The following COLGALT2 variants were observed in gnomAD, a reference collection of about 807,000 sequenced individuals.
COLGALT2 encodes the protein collagen beta(1-O)galactosyltransferase 2, also known as procollagen galactosyltransferase 2.
A neutral mutation model predicts 73.4 loss-of-function variants in COLGALT2; 49 were observed. The ratio of observed to expected loss-of-function variants is 0.67; its 90% CI spans 0.53 to 0.85. The LOEUF is 0.85. COLGALT2 is among the 40% of genes least tolerant of loss of function. COLGALT2 has a pLI of 0.00. For synonymous variants in COLGALT2, 295 were observed against 307.6 expected (o/e 0.96, Z 0.43); for missense variants, 722 against 790.2 (o/e 0.91, Z 1.03).
At chr1:183,930,438 G>A in intron 11 of COLGALT2, 1 of 374,066 alleles carries the variant, frequency 2.7e-6, no homozygotes, top group East Asian at 7.5e-5. Context: ...CTGTCACCCA[G>A]GCTGGAGTGG....
intron 1 of COLGALT2, among the ~76,000 whole-genome samples, chr1:184,018,395 T>C (rs995624506): frequency 1.3e-5 from 2 of 152,186 alleles, no homozygotes; most frequent in African/African-American, 4.8e-5. Flanking sequence ...TATAGTATTT[T>C]AGGAGGAAGA....
intron 1 of COLGALT2, among the ~76,000 whole-genome samples, chr1:183,995,371 T>G (rs1349000353): frequency 1.3e-5 from 2 of 152,254 alleles, no homozygotes; most frequent in Admixed American, 1.3e-4. Flanking sequence ...TAGTCATGTC[T>G]GAACATAGAT....
downstream of COLGALT2, among the ~76,000 whole-genome samples, chr1:183,933,258 C>T (rs1057038678): frequency 3.3e-5 from 5 of 152,184 alleles, no homozygotes; most frequent in Admixed American, 6.5e-5. Flanking sequence ...GCATTAGTCT[C>T]TTCTCCCCAC....
intron 5 of COLGALT2, among the ~76,000 whole-genome samples, chr1:183,968,009 G>A (rs1025746844): frequency 2.0e-5 from 3 of 152,174 alleles, no homozygotes; most frequent in Non-Finnish European, 2.9e-5. Context: ...ATCTACAACT[G>A]ATGAGTGGGA....
intron 8 of COLGALT2, chr1:183,946,316 A>C (rs1257278157): frequency 6.6e-6 from 1 of 152,216 alleles, no homozygotes; most frequent in Non-Finnish European, 1.5e-5. Context: ...GGAAAAACCA[A>C]GGAATAAGAG....
chr1:183,953,485 T>C (rs1276974723), intron 7 of COLGALT2, among the ~76,000 whole-genome samples: 2 of 152,090 alleles, frequency 1.3e-5, no homozygotes, highest in African/African-American at 4.8e-5. Flanking sequence ...TTGGTCCTCA[T>C]AGGAATGTTT....
rs553008201 is a variant in COLGALT2 at position 184,025,088 on chromosome 1, G to A, written c.263+12007C>T. Among the ~76,000 whole-genome samples the A allele has an allele frequency of 6.6e-5, 10 of 152,342 alleles. No individual in the cohort carries two copies. In the South Asian group the frequency reaches 1.2e-3, roughly 19 times the overall value. ...TTAGTTCAATGGTATTCGCACAGGC[G>A]TTATGAAAGCTGTTAAGATTCAGAA... On this transcript the variant is annotated intron_variant, in intron 1 of 11. Transcript: ENST00000361927.
In COLGALT2 at chr1:183,936,234, CTT is replaced by C. The variant is rs1669949646; in HGVS notation, c.*2525_*2526del. ...AGGTCAAATGTCAAAGGTCAAATGTCTTGGCTTAGGACTATAAGGGAGAGATA... is the reference window on the plus strand; with the variant it reads ...AGGTCAAATGTCAAAGGTCAAATGTCGGCTTAGGACTATAAGGGAGAGATA... On this transcript the variant is annotated 3_prime_UTR_variant, in exon 12 of 12. Transcript: ENST00000361927. The C allele has an allele frequency of 2.0e-6, 2 of 985,472 alleles. No homozygotes were observed. Among genetic ancestry groups the C allele is most frequent in the South Asian group, 9.4e-5 (2 of 21,284 alleles). 61.0% of individuals were successfully genotyped at this position (985,472 alleles called of 1,614,324 possible).
intron 1 of COLGALT2, among the ~76,000 whole-genome samples, chr1:184,025,805 C>T (rs755935189): frequency 2.6e-5 from 4 of 152,128 alleles, no homozygotes; most frequent in Non-Finnish European, 5.9e-5. Flanking sequence ...TTAAAGCCAT[C>T]CCCCAGAGAT....
chr1:184,009,333 G>A (rs183604459), intron 1 of COLGALT2, among the ~76,000 whole-genome samples: 49 of 152,222 alleles, frequency 3.2e-4, no homozygotes, highest in South Asian at 1.5e-3. Context: ...TGACATTTTC[G>A]TAATCAACAT....
Position 183,945,465 on chromosome 1 carries a change from G to T in COLGALT2, c.1236C>A (p.Gly412=), listed in dbSNP as rs757910351. 3.1e-6 allele frequency: 5 copies of T among 1,614,182 alleles called. No individual in the cohort carries two copies. The highest frequency in any genetic ancestry group is 4.2e-6 in the Non-Finnish European group (5 of 1,180,036). ...SSRPLTRGEI[G]CFLSHYSVWK... ...AGACTGAGTAGTGGCTGAGAAAGCA[G>T]CCGATTTCACCCCTTGTTAGAGGCC... Residue 412 remains glycine, a synonymous_variant, in exon 9 of 12, where the codon GGC becomes GGA. Transcript: ENST00000361927.
intron 3 of COLGALT2, among the ~76,000 whole-genome samples, chr1:183,974,439 A>C (rs1338797903): frequency 3.9e-5 from 6 of 152,236 alleles, no homozygotes; most frequent in Non-Finnish European, 7.3e-5. Context: ...ATGATAGTCC[A>C]TCTGTTTACC....
chr1:183,973,225 C>T (rs183604511), intron 4 of COLGALT2, among the ~76,000 whole-genome samples: 14 of 152,174 alleles, frequency 9.2e-5, no homozygotes, highest in Admixed American at 7.2e-4. Context: ...GATGTTGTTA[C>T]GGTGATGGGG....
At chr1:183,985,786 T>A (rs1288753748) in intron 1 of COLGALT2, among the ~76,000 whole-genome samples, 1 of 152,142 alleles carries the variant, frequency 6.6e-6, no homozygotes, top group Admixed American at 6.6e-5. Flanking sequence ...CTCAAGGGAA[T>A]GGCAGTGGAA....
downstream of COLGALT2, among the ~76,000 whole-genome samples, chr1:183,932,959 C>G (rs533690982): frequency 1.3e-5 from 2 of 152,216 alleles, no homozygotes; most frequent in Non-Finnish European, 1.5e-5. Context: ...GTTCTCGACT[C>G]TGGTTCCAGA....
chr1:183,934,274 T>C (rs1485482268), downstream of COLGALT2, among the ~76,000 whole-genome samples: 1 of 152,214 alleles, frequency 6.6e-6, no homozygotes, highest in Admixed American at 6.5e-5. Flanking sequence ...TACTAAAATC[T>C]ACCATCATTA....
At chr1:183,976,820 A>G (rs1181561913) in intron 2 of COLGALT2, among the ~76,000 whole-genome samples, 2 of 152,218 alleles carry the variant, frequency 1.3e-5, no homozygotes, top group Non-Finnish European at 2.9e-5. Context: ...TATAAGCAAT[A>G]CAATTGTTGA....
intron 3 of COLGALT2, 26 bp from the exon 4 acceptor site, chr1:183,973,776 G>A (rs1671116228): frequency 6.2e-7 from 1 of 1,608,242 alleles, no homozygotes; most frequent in Non-Finnish European, 8.5e-7. Context: ...GATAATGTTA[G>A]GTGAAAAGGT....
chr1:183,929,860 C>T (rs1051781332), exon 12 of COLGALT2: 10 of 162,896 alleles, frequency 6.1e-5, no homozygotes, highest in Non-Finnish European at 1.2e-4. Context: ...GAAATTTCAA[C>T]AGCTTAAGAC....
Sources: allele counts gnomAD v4.1 joint callset (sites outside exome capture counted in the v4.1 genomes callset), GRCh38; gene constraint gnomAD v4.1.1; transcripts MANE v1.5; gene names NCBI Gene and HGNC (gene_info 2026-07-23, HGNC 2026-07-21).